The following CNMD variants were observed in gnomAD, a reference collection of about 807,000 sequenced individuals.
The protein encoded by CNMD is chondromodulin, also known as leukocyte cell-derived chemotaxin 1.
CNMD carries 30 observed loss-of-function variants against 37.5 expected under a neutral mutation model. The observed-to-expected ratio is 0.80, with a 90% CI of 0.60 to 1.09. The LOEUF (loss-of-function observed/expected upper bound fraction) is 1.09, where lower values mean the gene tolerates loss of function less well. Ranked by LOEUF, CNMD falls within the 50% of genes least tolerant of loss-of-function variation. The pLI is 0.00. For missense variants in CNMD, 398 were observed against 423.9 expected, an observed-to-expected ratio of 0.94 and a Z score of 0.54; for synonymous variants, 167 against 148.2, an observed-to-expected ratio of 1.13 and a Z score of -0.92.
intron 2 of CNMD, among the ~76,000 whole-genome samples, chr13:52,734,943 T>A (rs1164771910): frequency 6.6e-6 from 1 of 152,214 alleles, no homozygotes; most frequent in Non-Finnish European, 1.5e-5. Context: ...CAGCACCCTT[T>A]TAGGAACAGC....
At chr13:52,728,717 C>G (rs1964615730) in intron 3 of CNMD, among the ~76,000 whole-genome samples, 1 of 152,184 alleles carries the variant, frequency 6.6e-6, no homozygotes, top group Non-Finnish European at 1.5e-5. Flanking sequence ...ATGCACACAT[C>G]TCCGTCACCA....
rs561667817 is a variant in CNMD, at chr13:52,703,395, G to A, written c.*200C>T. 1 of 488,072 alleles carries A rather than the reference G, an allele frequency of 2.0e-6. No individual in the cohort carries two copies. Among genetic ancestry groups the A allele is most frequent in the East Asian group, 3.0e-5 (1 of 33,808 alleles). The allele number at this position is 488,072 out of a possible 1,614,324, so 30.2% of individuals were successfully genotyped here. ...AAAGGGGTTATGGCATTTTAGACTT[G>A]AACTACCCTTTCAGTACATTTGCAT... On this transcript the variant is annotated 3_prime_UTR_variant, in exon 7 of 7. Coordinates refer to ENST00000377962, the MANE Select transcript of CNMD (RefSeq NM_007015.3).
In CNMD at chr13:52,712,697, A is replaced by T; in HGVS notation, c.622+19T>A. Reference sequence around the variant, plus strand: ...AACAGGGAAAGTTGTAAACAGCTTAAGATAATTTAAAATGTTACCTTTTGG... The same window carrying T: ...AACAGGGAAAGTTGTAAACAGCTTATGATAATTTAAAATGTTACCTTTTGG... On this transcript the variant is annotated intron_variant, in intron 5 of 6. Transcript: ENST00000377962. The T allele has an allele frequency of 6.8e-7, 1 of 1,471,166 alleles. No individual in the cohort carries two copies. The allele number at this position is 1,471,166 out of a possible 1,614,324, so 91.1% of individuals were successfully genotyped here.
intron 6 of CNMD, among the ~76,000 whole-genome samples, chr13:52,708,266 C>A (rs1964225045): frequency 6.6e-6 from 1 of 152,018 alleles, no homozygotes; most frequent in African/African-American, 2.4e-5. Flanking sequence ...ACTGCAACCT[C>A]CATCTCCTGT....
Position 52,712,756 on chromosome 13 carries a change from A to C in CNMD, c.582T>G (p.Gly194=), listed in dbSNP as rs1594278453. ...FLSSKVLELC[G]DLPIFWLKPT... ...GTTTAAGCCAGAAAATAGGAAGGTC[A>C]CCGCAGAGTTCTAACACCTTAGAAC... The change falls in exon 5 of 7, where the codon GGT becomes GGG. Residue 194 remains glycine (G), a synonymous_variant. Coordinates refer to ENST00000377962, the MANE Select transcript of CNMD (RefSeq NM_007015.3). The C allele has an allele frequency of 2.6e-6, 4 of 1,552,916 alleles. No individual in the cohort carries two copies. The highest frequency in any genetic ancestry group is 2.3e-5 in the East Asian group (1 of 42,780).
intron 3 of CNMD, among the ~76,000 whole-genome samples, chr13:52,730,181 C>T (rs1378798784): frequency 6.6e-6 from 1 of 152,002 alleles, no homozygotes; most frequent in African/African-American, 2.4e-5. Context: ...CATAGTATTC[C>T]ATGGTGTATA....
chr13:52,703,596 C>T lies in CNMD; in HGVS notation c.1004G>A (p.Ter335=). ...WWVARILGMV[*] The stretch of plus-strand genomic sequence containing the variant: ...CAGCACATGATATATGAAGTGATTT[C>T]ACACCATGCCCAAGATACGGGCCAC... Residue 335 remains the stop codon, a stop_retained_variant, in exon 7 of 7, where the codon TGA becomes TAA. Transcript: ENST00000377962. 1.2e-6 allele frequency: 2 copies of T among 1,606,106 alleles called. No individual in the cohort carries two copies. Among genetic ancestry groups the T allele is most frequent in the Non-Finnish European group, 1.7e-6 (2 of 1,173,768 alleles).
Position 52,739,441 on chromosome 13 carries a change from C to T in CNMD, c.72+189G>A, listed in dbSNP as rs1353618753. 3.0e-6 allele frequency: 2 copies of T among 675,058 alleles called. No homozygotes were observed. The highest frequency in any genetic ancestry group is 2.8e-5 in the East Asian group (1 of 35,948). 41.8% of individuals were successfully genotyped at this position (675,058 alleles called of 1,614,324 possible). ...ACCGGCCACGGGACGTCCCTCCGCA[C>T]CCGCCTGTGGATGCCGTGACCCCTG... On this transcript the variant is annotated intron_variant, in intron 1 of 6. Transcript: ENST00000377962. The surrounding 1 kb of genome is among the most constrained non-coding windows in gnomAD (Gnocchi z 5.4).
chr13:52,724,312 G>A (rs1182211077), intron 3 of CNMD, among the ~76,000 whole-genome samples: 4 of 148,728 alleles, frequency 2.7e-5, no homozygotes, highest in African/African-American at 7.4e-5. Flanking sequence ...GGTGGCTCAC[G>A]CCTGTAATCC....
chr13:52,714,545 A>G (rs1243647803), intron 4 of CNMD, among the ~76,000 whole-genome samples: 3 of 152,208 alleles, frequency 2.0e-5, no homozygotes, highest in Admixed American at 1.3e-4. Flanking sequence ...ATCACGGCGA[A>G]TTTATTTACC....
intron 6 of CNMD, among the ~76,000 whole-genome samples, chr13:52,706,153 A>G (rs1167847089): frequency 6.6e-6 from 1 of 152,224 alleles, no homozygotes; most frequent in African/African-American, 2.4e-5. Flanking sequence ...CACATAATTA[A>G]AGACAAGCAA....
chr13:52,738,976 C>T (rs1385563079), intron 2 of CNMD, 55 bp downstream of exon 2: 2 of 1,488,842 alleles, frequency 1.3e-6, no homozygotes, highest in Non-Finnish European at 1.8e-6. Flanking sequence ...TCGGGCTCCC[C>T]CTAGGGGCAC....
At chr13:52,721,151 C>G (rs959034770) in intron 4 of CNMD, among the ~76,000 whole-genome samples, 3 of 152,140 alleles carry the variant, frequency 2.0e-5, no homozygotes, top group Non-Finnish European at 4.4e-5. Flanking sequence ...CCCCTCCCCC[C>G]ACCAAGCTCA....
At chr13:52,705,135 G>A (rs933685999) in intron 6 of CNMD, among the ~76,000 whole-genome samples, 1 of 151,998 alleles carries the variant, frequency 6.6e-6, no homozygotes, top group Non-Finnish European at 1.5e-5. Context: ...CATCTAGATT[G>A]GACAATTGCT....
At chr13:52,735,676 A>G (rs1006431254) in intron 2 of CNMD, among the ~76,000 whole-genome samples, 1 of 136,546 alleles carries the variant, frequency 7.3e-6, no homozygotes, top group Non-Finnish European at 1.7e-5. Flanking sequence ...ATTTTTAAAA[A>G]AAATCTAAAA....
rs945862132 is a variant in CNMD, at chr13:52,733,559, A to G, written c.214-200T>C. On this transcript the variant is annotated intron_variant, in intron 2 of 6. Coordinates refer to ENST00000377962, the MANE Select transcript of CNMD (RefSeq NM_007015.3). ...ATGATTTCCTTAAAAATACCTTAAG[A>G]GTAAAGACTTTGGTTGCCTCTGACA... The G allele has an allele frequency of 2.9e-5, 19 of 664,306 alleles. No homozygotes were observed. The African/African-American group carries it at 3.4e-4, about 12-fold the overall frequency. The allele number at this position is 664,306 out of a possible 1,614,324, so 41.2% of individuals were successfully genotyped here. A position where few individuals can be genotyped will look rare whatever the true frequency, so the allele number is the denominator to read the frequency against.
chr13:52,706,333 A>C (rs1380934969), intron 6 of CNMD, among the ~76,000 whole-genome samples: 2 of 152,230 alleles, frequency 1.3e-5, no homozygotes, highest in Admixed American at 6.5e-5. Flanking sequence ...TCGATGCAGC[A>C]GACTCATGCT....
chr13:52,724,176 A>T, intron 3 of CNMD, 66 bp from the exon 4 acceptor site: 1 of 1,211,852 alleles, frequency 8.3e-7, no homozygotes, highest in African/African-American at 1.5e-5. Flanking sequence ...TTGAGTGTCT[A>T]CTGTGTTCCA....
chr13:52,708,539 A>T lies in CNMD; in HGVS notation c.786T>A (p.Tyr262Ter). Residue 262 changes from tyrosine (Y) to a stop codon, truncating the protein, a stop_gained, in exon 6 of 7, where the codon TAT (tyrosine) becomes TAA (stop). Transcript: ENST00000377962. LOFTEE classifies it high-confidence loss of function. ...GTCAAAAAGCACCGGAACGCACATG[A>T]TAAGGATTATCAGGATTGAAGGCTT... Reference protein sequence around the residue: ...DSQAFNPDNPYHQQEGESMTF... With the variant: ...DSQAFNPDNP 6.2e-7 allele frequency: 1 copy of T among 1,607,376 alleles called. No individual in the cohort carries two copies.
Sources: allele counts gnomAD v4.1 joint callset (sites outside exome capture counted in the v4.1 genomes callset), GRCh38; gene constraint gnomAD v4.1.1; non-coding constraint Gnocchi (gnomAD v3.1); transcripts MANE v1.5; gene names NCBI Gene and HGNC (gene_info 2026-07-23, HGNC 2026-07-21).